The following ZNF275 variants were observed in gnomAD, a reference collection of about 807,000 sequenced individuals.
ZNF275 encodes the protein zinc finger protein 275.
Under a neutral mutation model 4.3 loss-of-function variants are expected in ZNF275, and 4 were observed. That is an observed-to-expected ratio of 0.93 (90% confidence interval 0.46 to 2.13). The LOEUF (loss-of-function observed/expected upper bound fraction) is 2.13, where lower values mean the gene tolerates loss of function less well. Among genes scored for constraint, ZNF275 ranks in the 30% most tolerant of loss-of-function variants. ZNF275 has a pLI of 0.02. For missense variants in ZNF275, 352 were observed against 397.1 expected (o/e 0.89, Z 0.97); for synonymous variants, 173 against 166.9 (o/e 1.04, Z -0.28).
intron 2 of ZNF275, among the ~76,000 whole-genome samples, chrX:153,340,008 A>G (rs2088471524): frequency 8.9e-6 from 1 of 112,240 alleles, no homozygotes; most frequent in South Asian, 3.7e-4. Context: ...GTCAATGTCA[A>G]TTGGAAGTGA....
rs782571664 is a variant in ZNF275 at position 153,345,624 on chromosome X, G to C, written c.133+3G>C. ...CACTGATCCTGCTAAGTACTCTGGTGAGTGAAAAAGAAATGTGAGGAAATT... is the reference window on the plus strand; with the variant it reads ...CACTGATCCTGCTAAGTACTCTGGTCAGTGAAAAAGAAATGTGAGGAAATT... On this transcript the variant is annotated splice_donor_region_variant and intron_variant, in intron 3 of 3. Transcript: ENST00000650114. 4 of 1,195,076 alleles carry C rather than the reference G, an allele frequency of 3.3e-6. No individual in the cohort carries two copies. The East Asian group carries it at 1.2e-4, about 36-fold the overall frequency.
At position 153,347,229 on chromosome X, in the gene ZNF275, G is replaced by A. The variant is rs781856747; in HGVS notation, c.544G>A (p.Glu182Lys). 4.4e-5 allele frequency: 53 copies of A among 1,208,470 alleles called. No homozygotes were observed. The highest frequency in any genetic ancestry group is 5.7e-5 in the Non-Finnish European group (51 of 894,174). ...GATGGAGAGGGAGGCAAAGCCCTTC[G>A]AGTGCGAGGAGTGCGGAAAACGGTT... Reference protein sequence around the residue: ...EQMEREAKPFECEECGKRFKK... With the variant: ...EQMEREAKPFKCEECGKRFKK... The change falls in exon 4 of 4, where the codon GAG becomes AAG. Residue 182 changes from glutamate (E) to lysine (K), a missense_variant. Transcript: ENST00000650114.
Position 153,347,856 on chromosome X carries a change from G to A in ZNF275, c.1171G>A (p.Gly391Ser), listed in dbSNP as rs782626018. ...CGGCAAGGCCTTCCGCCGGAGCTCC[G>A]GCCTCAGTCGCCACCGGCGGATCCA... ...KCGKAFRRSSGLSRHRRIHSG... is the reference protein window; with the variant it reads ...KCGKAFRRSSSLSRHRRIHSG... The change falls in exon 4 of 4, where the codon GGC (glycine) becomes AGC (serine). Residue 391 changes from glycine (G) to serine (S), a missense_variant. Transcript: ENST00000650114. The A allele has an allele frequency of 5.0e-6, 6 of 1,205,348 alleles. No individual in the cohort carries two copies. The African/African-American group carries it at 8.7e-5, about 17-fold the overall frequency.
At position 153,348,384 on chromosome X, in the gene ZNF275, A is replaced by G; in HGVS notation, c.*409A>G. 4.0e-5 allele frequency: 5 copies of G among 125,032 alleles called. No homozygotes were observed. 10.3% of individuals were successfully genotyped at this position (125,032 alleles called of 1,213,427 possible). On this transcript the variant is annotated 3_prime_UTR_variant, in exon 4 of 4. Coordinates refer to ENST00000650114, the MANE Select transcript of ZNF275 (RefSeq NM_001367757.1). ...TCCTGAAGAGAACGTTGCCCTCATGATTTTTGGCCTACTTGAATTTATAAA... is the reference window on the plus strand; with the variant it reads ...TCCTGAAGAGAACGTTGCCCTCATGGTTTTTGGCCTACTTGAATTTATAAA...
rs1487680459 is a variant in ZNF275 at position 153,349,112 on chromosome X, G to T, written c.*1137G>T. The T allele has an allele frequency of 8.1e-6, 1 of 123,672 alleles. No homozygotes were observed. The highest frequency in any genetic ancestry group is 9.4e-5 in the Admixed American group (1 of 10,687). The allele number at this position is 123,672 out of a possible 1,213,427, so 10.2% of individuals were successfully genotyped here. A position where few individuals can be genotyped will look rare whatever the true frequency, so the allele number is the denominator to read the frequency against. On this transcript the variant is annotated 3_prime_UTR_variant, in exon 4 of 4. Coordinates refer to ENST00000650114, the MANE Select transcript of ZNF275 (RefSeq NM_001367757.1). ...CAGGGTGACGCCTCCTTTTGGAAAT[G>T]AGCCTCTCCTGGTATCAGGCCTAGA...
In ZNF275 at chrX:153,350,653, C is replaced by T. The variant is rs781830920; in HGVS notation, c.*2678C>T. The T allele has an allele frequency of 8.1e-6, 1 of 124,026 alleles. No homozygotes were observed. The highest frequency in any genetic ancestry group is 1.9e-5 in the Non-Finnish European group (1 of 53,304). The allele number at this position is 124,026 out of a possible 1,213,427, so 10.2% of individuals were successfully genotyped here. A position where few individuals can be genotyped will look rare whatever the true frequency, so the allele number is the denominator to read the frequency against. On this transcript the variant is annotated 3_prime_UTR_variant, in exon 4 of 4. Coordinates refer to ENST00000650114, the MANE Select transcript of ZNF275 (RefSeq NM_001367757.1). ...CCCACCAAGGCTGAGGCAGAGCTTC[C>T]TAGCAGACACAACTTGGAAGGGCTT...
At position 153,346,994 on chromosome X, in the gene ZNF275, T is replaced by C; in HGVS notation, c.309T>C (p.Cys103=). 8.3e-7 allele frequency: 1 copy of C among 1,211,261 alleles called. No homozygotes were observed. Among genetic ancestry groups the C allele is most frequent in the Non-Finnish European group, 1.1e-6 (1 of 895,352 alleles). ...TGCCCATAGAACATCATTTTGCTTG[T>C]AAAGAGTGTGGGGACACCTTTCGGC... ...QNLPIEHHFA[C]KECGDTFRLK... The change falls in exon 4 of 4, where the codon TGT becomes TGC. Residue 103 remains cysteine (C), a synonymous_variant. Coordinates refer to ENST00000650114, the MANE Select transcript of ZNF275 (RefSeq NM_001367757.1).
chrX:153,347,900 C>A lies in ZNF275; in HGVS notation c.1215C>A (p.Cys405Ter). Reference protein sequence around the residue: ...HRRIHSGARRCECSQCGRVFK... With the variant: ...HRRIHSGARR ...GGATCCACAGTGGGGCGCGGCGCTG[C>A]GAATGCAGCCAGTGTGGCCGCGTGT... Residue 405 changes from cysteine (C) to a stop codon, truncating the protein, a stop_gained, in exon 4 of 4, where the codon TGC (cysteine) becomes TGA (stop). Transcript: ENST00000650114. LOFTEE classifies it high-confidence loss of function. 8.4e-7 allele frequency: 1 copy of A among 1,183,541 alleles called. No individual in the cohort carries two copies. The highest frequency in any genetic ancestry group is 1.1e-6 in the Non-Finnish European group (1 of 880,374).
chrX:153,348,131 GC>G lies in ZNF275; in HGVS notation c.*159del. On this transcript the variant is annotated 3_prime_UTR_variant, in exon 4 of 4. Transcript: ENST00000650114. ...CAGCAATTTATAAGTGTTACGTTAT[GC>G]CCATCAAGAGTAGCTTGTACCATTT... 2.2e-6 allele frequency: 1 copy of G among 459,180 alleles called. No homozygotes were observed. The highest frequency in any genetic ancestry group is 3.2e-6 in the Non-Finnish European group (1 of 308,804). 37.8% of individuals were successfully genotyped at this position (459,180 alleles called of 1,213,427 possible).
At position 153,336,731 on chromosome X, in the gene ZNF275, A is replaced by G. The variant is rs1556960626; in HGVS notation, c.31+21A>G. 7 of 1,163,939 alleles carry G rather than the reference A, an allele frequency of 6.0e-6. No individual in the cohort carries two copies. The Admixed American group carries it at 7.8e-5, about 13-fold the overall frequency. The stretch of plus-strand genomic sequence containing the variant: ...TTTGGGTAAGTCTGGGTGTTTATGC[A>G]TGGTGTCTGCTGGCTTTGACGCTGG... On this transcript the variant is annotated intron_variant, in intron 2 of 3. Coordinates refer to ENST00000650114, the MANE Select transcript of ZNF275 (RefSeq NM_001367757.1).
chrX:153,345,369 G>A (rs1408327743), intron 2 of ZNF275, 151 bp from the exon 3 acceptor site: 2 of 412,821 alleles, frequency 4.8e-6, no homozygotes, highest in East Asian at 8.8e-5. Flanking sequence ...CTGACCTTGG[G>A]AAACACCTTT....
In ZNF275 at chrX:153,336,635, T is replaced by TG; in HGVS notation, c.-41dup. 8.6e-7 allele frequency: 1 copy of TG among 1,158,360 alleles called. No homozygotes were observed. ...ACCTGAATTATTGCAATCCAACAGA[T>TG]GGGGCCTTACCTGCCAGGCTGATCC... On this transcript the variant is annotated splice_region_variant and 5_prime_UTR_variant, in exon 2 of 4. The change abolishes the stop of an existing upstream ORF in the 5' untranslated region. Transcript: ENST00000650114.
Position 153,350,804 on chromosome X carries a change from T to C in ZNF275, c.*2829T>C, listed in dbSNP as rs1044162831. The C allele has an allele frequency of 8.1e-6, 1 of 124,041 alleles. No homozygotes were observed. Among genetic ancestry groups the C allele is most frequent in the Non-Finnish European group, 1.9e-5 (1 of 53,349 alleles). The allele number at this position is 124,041 out of a possible 1,213,427, so 10.2% of individuals were successfully genotyped here. A position where few individuals can be genotyped will look rare whatever the true frequency, so the allele number is the denominator to read the frequency against. ...TGAATCTGTGTCTGAAATCACTACTTTCTTCTCGGATCCTTTTTCTCTTTT... is the reference window on the plus strand; with the variant it reads ...TGAATCTGTGTCTGAAATCACTACTCTCTTCTCGGATCCTTTTTCTCTTTT... On this transcript the variant is annotated 3_prime_UTR_variant, in exon 4 of 4. Coordinates refer to ENST00000650114, the MANE Select transcript of ZNF275 (RefSeq NM_001367757.1).
rs372182880 is a variant in ZNF275, at chrX:153,345,620, T to C, written c.132T>C (p.Ser44=). The change falls in exon 3 of 4, where the codon TCT becomes TCC. Residue 44 remains serine, a splice_region_variant and synonymous_variant. Transcript: ENST00000650114. ...CCAACACTGATCCTGCTAAGTACTC[T>C]GGTGAGTGAAAAAGAAATGTGAGGA... ...PSPNTDPAKY[S]ESTSATRHQM... The C allele has an allele frequency of 7.5e-6, 9 of 1,198,380 alleles. No homozygotes were observed. The African/African-American group carries it at 1.1e-4, about 14-fold the overall frequency.
intron 3 of ZNF275, among the ~76,000 whole-genome samples, chrX:153,345,872 G>T (rs4511009): frequency 0.18 from 19,614 of 107,076 alleles, 1,402 homozygotes; most frequent in Admixed American, 0.26. Context: ...GAGCTCTTGG[G>T]GTTGAGGTTA....
At chrX:153,342,286 A>C (rs1556961103) in intron 2 of ZNF275, among the ~76,000 whole-genome samples, 1 of 111,601 alleles carries the variant, frequency 9.0e-6, no homozygotes. Context: ...GGTTCTTTTT[A>C]TATCTTCTAT....
At chrX:153,345,842 T>A (rs1245863347) in intron 3 of ZNF275, among the ~76,000 whole-genome samples, 1 of 108,628 alleles carries the variant, frequency 9.2e-6, no homozygotes, top group Non-Finnish European at 1.9e-5. Flanking sequence ...GGGGTTTGGG[T>A]TAGGGTTGGG....
At chrX:153,337,661 C>T (rs781952896) in intron 2 of ZNF275, among the ~76,000 whole-genome samples, 21 of 112,169 alleles carry the variant, frequency 1.9e-4, no homozygotes, top group Admixed American at 4.7e-4. Context: ...ACATTGACAT[C>T]ACTATTTTCC....
chrX:153,345,354 G>A (rs782573874), intron 2 of ZNF275, 166 bp from the exon 3 acceptor site: 14 of 382,043 alleles, frequency 3.7e-5, no homozygotes, highest in Admixed American at 4.2e-5. Context: ...GCTCCTGGAA[G>A]GAGCCTGACC....
Sources: gnomAD v4.1 joint callset for allele counts (sites outside exome capture counted in the v4.1 genomes callset) on GRCh38, gnomAD v4.1.1 for gene constraint, MANE v1.5 for transcripts, NCBI Gene and HGNC (gene_info 2026-07-23, HGNC 2026-07-21) for gene names.